The following CCDC88A variants were observed in gnomAD, a reference collection of about 807,000 sequenced individuals.
CCDC88A encodes the protein coiled-coil and HOOK domain protein 88A, also known as girdin.
A neutral mutation model predicts 234.3 loss-of-function variants in CCDC88A; 54 were observed. The ratio of observed to expected loss-of-function variants is 0.23; its 90% CI spans 0.19 to 0.29. The LOEUF (loss-of-function observed/expected upper bound fraction) is 0.29. Among genes scored for constraint, CCDC88A ranks in the 10% least tolerant of loss-of-function variants. The pLI, the probability that CCDC88A is intolerant of heterozygous loss-of-function variation, is 1.00. For synonymous variants in CCDC88A, 753 were observed against 737.8 expected, an observed-to-expected ratio of 1.02 and a Z score of -0.33; for missense variants, 1,832 against 2,123.4, an observed-to-expected ratio of 0.86 and a Z score of 2.70.
Position 55,318,824 on chromosome 2 carries a change from C to G in CCDC88A, c.3324+19G>C, listed in dbSNP as rs759875600. 2.6e-6 allele frequency: 4 copies of G among 1,545,548 alleles called. No individual in the cohort carries two copies. In the African/African-American group the frequency reaches 5.4e-5, roughly 21 times the overall value. On this transcript the variant is annotated intron_variant, in intron 19 of 32. Transcript: ENST00000436346. ...ATTCAAGAGTTTGGTTGCATATTCC[C>G]AAAATATTATATTACAACCTGAAGC...
chr2:55,308,835 T>G lies in CCDC88A; in HGVS notation c.4361A>C (p.Gln1454Pro). The change falls in exon 25 of 33, where the codon CAG becomes CCG. Residue 1454 changes from glutamine to proline, a missense_variant. Transcript: ENST00000436346. ...SVGSNSLEDG[Q>P]TLGTKKSSMV... The stretch of plus-strand genomic sequence containing the variant: ...GCTGCTTTTCTTGGTCCCCAAGGTC[T>G]GGCCATCTTCTAAAGAGTTTGAACC... 6.2e-7 allele frequency: 1 copy of G among 1,614,086 alleles called. No homozygotes were observed. Among genetic ancestry groups the G allele is most frequent in the Non-Finnish European group, 8.5e-7 (1 of 1,179,930 alleles).
At position 55,296,499 on chromosome 2, in the gene CCDC88A, C is replaced by T. The variant is rs1243459619; in HGVS notation, c.4850G>A (p.Arg1617Lys). Residue 1617 changes from arginine (R) to lysine (K), a missense_variant, in exon 30 of 33, where the codon AGG becomes AAG. Around this residue, in one of 6 missense-constraint regions of CCDC88A, gnomAD observed 422 missense variants for 416.5 expected, o/e 1.01. Transcript: ENST00000436346. ...TTCTCCACTGCTGTGGCTTTGTGGC[C>T]TGCTTTGGTTATTAACTGCACCTGC... ...VKAGAVNNQS[R>K]PQSHSSGEFS... 4 of 1,614,162 alleles carry T rather than the reference C, an allele frequency of 2.5e-6. No homozygotes were observed. The highest frequency in any genetic ancestry group is 1.1e-5 in the South Asian group (1 of 91,058).
intron 25 of CCDC88A, among the ~76,000 whole-genome samples, chr2:55,307,056 G>A (rs1002527209): frequency 3.6e-5 from 5 of 140,774 alleles, no homozygotes; most frequent in African/African-American, 1.3e-4. Context: ...AGAATAGAAT[G>A]TGTCTGTGTG....
rs180944429 is a variant in CCDC88A, at chr2:55,300,178, G to T, written c.4745-259C>A. The T allele has an allele frequency of 1.7e-3, 650 of 385,774 alleles. 4 individuals are homozygous for T. Among genetic ancestry groups the T allele is most frequent in the Non-Finnish European group, 5.9e-4 (123 of 207,064 alleles). The allele number at this position is 385,774 out of a possible 1,614,324, so 23.9% of individuals were successfully genotyped here. A position where few individuals can be genotyped will look rare whatever the true frequency, so the allele number is the denominator to read the frequency against. The stretch of plus-strand genomic sequence containing the variant: ...TTGAAAATGAGTTCTAGATGGATAT[G>T]CCAGGAGTGTTTTAGTTAAATAGAA... On this transcript the variant is annotated intron_variant, in intron 28 of 32. Coordinates refer to ENST00000436346, the MANE Select transcript of CCDC88A (RefSeq NM_001365480.1).
intron 25 of CCDC88A, among the ~76,000 whole-genome samples, chr2:55,305,667 G>C (rs569549404): frequency 2.0e-4 from 31 of 152,278 alleles, no homozygotes; most frequent in Non-Finnish European, 3.7e-4. Context: ...GGCTTAATAA[G>C]TGAGACCCTG....
At chr2:55,387,268 C>T (rs979443654) in intron 3 of CCDC88A, among the ~76,000 whole-genome samples, 3 of 149,308 alleles carry the variant, frequency 2.0e-5, no homozygotes, top group African/African-American at 4.9e-5. Context: ...GAAAAAAACC[C>T]GAAAATACAA....
At chr2:55,342,416 C>A (rs777078847) in intron 12 of CCDC88A, among the ~76,000 whole-genome samples, 30 of 152,116 alleles carry the variant, frequency 2.0e-4, no homozygotes, top group Non-Finnish European at 3.5e-4. Flanking sequence ...TTACCAGGCA[C>A]TATTTAAGGG....
intron 8 of CCDC88A, among the ~76,000 whole-genome samples, chr2:55,351,912 C>T (rs144559834): frequency 3.9e-5 from 6 of 152,224 alleles, no homozygotes; most frequent in African/African-American, 1.4e-4. Context: ...AGTATTGATA[C>T]ATGCTACAAC....
intron 3 of CCDC88A, among the ~76,000 whole-genome samples, chr2:55,380,855 G>A (rs1313436425): frequency 1.3e-5 from 2 of 152,106 alleles, no homozygotes; most frequent in Non-Finnish European, 2.9e-5. Context: ...GACCTCAAAT[G>A]ATCGCTTGCC....
chr2:55,382,453 T>A (rs1574382105), intron 3 of CCDC88A, among the ~76,000 whole-genome samples: 1 of 152,298 alleles, frequency 6.6e-6, no homozygotes, highest in Admixed American at 6.5e-5. Context: ...ATTTAATACT[T>A]ATTCAAACTG....
intron 2 of CCDC88A, chr2:55,404,753 A>C (rs1255432968): frequency 6.6e-6 from 1 of 152,180 alleles, no homozygotes; most frequent in Non-Finnish European, 1.5e-5. Context: ...TTTTCGAGAC[A>C]GAGTTTCACT....
chr2:55,386,188 C>T (rs1431662655), intron 3 of CCDC88A, among the ~76,000 whole-genome samples: 2 of 149,592 alleles, frequency 1.3e-5, no homozygotes, highest in Admixed American at 6.8e-5. Flanking sequence ...TGCCACTGCC[C>T]TCCAGCCTGG....
At chr2:55,407,829 T>C (rs1679853015) in intron 2 of CCDC88A, among the ~76,000 whole-genome samples, 2 of 149,988 alleles carry the variant, frequency 1.3e-5, no homozygotes, top group Admixed American at 1.3e-4. Flanking sequence ...GGAACTCTCC[T>C]GCCTCTGCCT....
chr2:55,355,519 T>C, intron 8 of CCDC88A, 60 bp downstream of exon 8: 1 of 1,384,046 alleles, frequency 7.2e-7, no homozygotes. Context: ...CTTAAAAATA[T>C]TGTTTAGGTC....
chr2:55,346,014 C>T, intron 10 of CCDC88A, 161 bp downstream of exon 10: 1 of 495,848 alleles, frequency 2.0e-6, no homozygotes, highest in Non-Finnish European at 3.5e-6. Flanking sequence ...AAAAGTCTAA[C>T]TAAAAGCAAT....
intron 2 of CCDC88A, among the ~76,000 whole-genome samples, chr2:55,401,301 G>A (rs1264103878): frequency 1.3e-5 from 2 of 150,750 alleles, no homozygotes; most frequent in African/African-American, 2.4e-5. Context: ...GGGGACAGTG[G>A]TGTGTGCCTG....
intron 11 of CCDC88A, 45 bp from the exon 12 acceptor site, chr2:55,343,837 A>G (rs1189944538): frequency 6.8e-7 from 1 of 1,471,648 alleles, no homozygotes; most frequent in Non-Finnish European, 9.2e-7. Flanking sequence ...GCTAAGAAAC[A>G]GTACAATTTT....
At chr2:55,378,874 T>A (rs767665672) in intron 3 of CCDC88A, among the ~76,000 whole-genome samples, 2 of 151,842 alleles carry the variant, frequency 1.3e-5, no homozygotes, top group Admixed American at 6.6e-5. Flanking sequence ...GCCTCCCAAA[T>A]CGCTGGAATT....
intron 3 of CCDC88A, among the ~76,000 whole-genome samples, chr2:55,381,192 T>C (rs906913036): frequency 1.3e-5 from 2 of 152,186 alleles, no homozygotes; most frequent in African/African-American, 4.8e-5. Flanking sequence ...GTAGACTATA[T>C]CATCTACATT....
Sources: allele counts gnomAD v4.1 joint callset (sites outside exome capture counted in the v4.1 genomes callset), GRCh38; gene constraint gnomAD v4.1.1; regional missense constraint gnomAD v4.1.1; transcripts MANE v1.5; gene names NCBI Gene and HGNC (gene_info 2026-07-23, HGNC 2026-07-21).